Variants in MACROD2 observed in about 807,000 individuals in gnomAD.
MACROD2 encodes the protein ADP-ribose glycohydrolase MACROD2.
MACROD2 carries 36 observed loss-of-function variants against 70.4 expected under a neutral mutation model. That is an observed-to-expected ratio of 0.51 (90% CI 0.39 to 0.68). MACROD2 has a LOEUF of 0.68. MACROD2 is among the 30% of genes least tolerant of loss of function. The pLI is 0.00. For missense variants in MACROD2, 496 were observed against 538.4 expected (o/e 0.92, Z 0.78); for synonymous variants, 172 against 178.8 (o/e 0.96, Z 0.30).
chr20:14,540,239 G>A lies in MACROD2; in HGVS notation c.301+46731G>A, dbSNP rs1404587430. Among the ~76,000 whole-genome samples, 10 of 152,218 alleles carry A rather than the reference G, an allele frequency of 6.6e-5. No individual in the cohort carries two copies. The East Asian group carries it at 1.9e-3, about 29-fold the overall frequency. On this transcript the variant is annotated intron_variant, in intron 4 of 17. Coordinates refer to ENST00000684519, the MANE Select transcript of MACROD2 (RefSeq NM_001351661.2). Reference sequence around the variant, plus strand: ...TTCAGGATGTTTCCAAGTTTATCATGTCTGTGACCTCAGTTACGTTTACTT... The same window carrying A: ...TTCAGGATGTTTCCAAGTTTATCATATCTGTGACCTCAGTTACGTTTACTT...
intron 5 of MACROD2, among the ~76,000 whole-genome samples, chr20:14,996,192 A>G (rs2074947795): frequency 6.6e-6 from 1 of 152,204 alleles, no homozygotes. Context: ...AACATCTATT[A>G]TAAGTAGGGG....
At chr20:15,476,017 A>G (rs1303042872) in intron 7 of MACROD2, among the ~76,000 whole-genome samples, 3 of 152,230 alleles carry the variant, frequency 2.0e-5, no homozygotes, top group East Asian at 3.9e-4. Context: ...GGCCACCCCT[A>G]TTCTTCCATT....
At chr20:15,835,461 T>A (rs2064103812) in intron 8 of MACROD2, among the ~76,000 whole-genome samples, 1 of 152,116 alleles carries the variant, frequency 6.6e-6, no homozygotes, top group South Asian at 2.1e-4. Context: ...TATTAATGTA[T>A]TAGCACCATT....
intron 5 of MACROD2, among the ~76,000 whole-genome samples, chr20:14,736,236 C>G (rs1282628574): frequency 1.3e-5 from 2 of 152,004 alleles, no homozygotes; most frequent in African/African-American, 4.8e-5. Flanking sequence ...ACACAGAGGC[C>G]ACAAATTGTG....
chr20:14,943,005 G>T (rs1164328783), intron 5 of MACROD2, among the ~76,000 whole-genome samples: 1 of 152,146 alleles, frequency 6.6e-6, no homozygotes, highest in Non-Finnish European at 1.5e-5. Flanking sequence ...AAGGCTGGCA[G>T]CTTGTATTCA....
intron 5 of MACROD2, among the ~76,000 whole-genome samples, chr20:14,762,965 T>C (rs1206962285): frequency 6.6e-6 from 1 of 151,336 alleles, no homozygotes; most frequent in Non-Finnish European, 1.5e-5. Flanking sequence ...AAAACATAAA[T>C]GACAGACAGG....
At chr20:14,961,197 T>C (rs1252024005) in intron 5 of MACROD2, among the ~76,000 whole-genome samples, 1 of 152,198 alleles carries the variant, frequency 6.6e-6, no homozygotes, top group Non-Finnish European at 1.5e-5. Flanking sequence ...ATTTTGCTGA[T>C]TTTAGATAAA....
chr20:14,561,823 T>G (rs1199491166), intron 4 of MACROD2, among the ~76,000 whole-genome samples: 4 of 151,830 alleles, frequency 2.6e-5, no homozygotes, highest in Non-Finnish European at 4.4e-5. Context: ...TATTACAGCT[T>G]AAACTGTACT....
At chr20:15,460,247 C>T (rs2146411906) in intron 7 of MACROD2, among the ~76,000 whole-genome samples, 1 of 152,206 alleles carries the variant, frequency 6.6e-6, no homozygotes, top group Middle Eastern at 3.4e-3. Flanking sequence ...GTAACACATC[C>T]CTTTTCAGTG....
At chr20:15,977,278 C>T (rs2066321072) in intron 13 of MACROD2, among the ~76,000 whole-genome samples, 1 of 152,212 alleles carries the variant, frequency 6.6e-6, no homozygotes, top group African/African-American at 2.4e-5. Context: ...CTCTCAGTAT[C>T]ATCCACCCAA....
chr20:15,066,175 A>C (rs1412294248), intron 5 of MACROD2, among the ~76,000 whole-genome samples: 4 of 150,856 alleles, frequency 2.7e-5, no homozygotes, highest in African/African-American at 9.7e-5. Context: ...TCTGTCACCC[A>C]GGCTGGAGTA....
intron 4 of MACROD2, among the ~76,000 whole-genome samples, chr20:14,544,231 CTT>C (rs11318084): frequency 2.1e-4 from 30 of 143,824 alleles, no homozygotes; most frequent in East Asian, 1.6e-3. Flanking sequence ...ATGATTCCTT[CTT>C]TTTTTTTTTT....
intron 3 of MACROD2, among the ~76,000 whole-genome samples, chr20:14,412,055 T>C (rs1029353105): frequency 6.6e-6 from 1 of 152,188 alleles, no homozygotes; most frequent in African/African-American, 2.4e-5. Flanking sequence ...CAAAACAAAA[T>C]AGCAGTTTTC....
chr20:15,486,864 A>G (rs2047169595), intron 7 of MACROD2, among the ~76,000 whole-genome samples: 1 of 152,202 alleles, frequency 6.6e-6, no homozygotes, highest in Admixed American at 6.5e-5. Context: ...TCCGCATTAC[A>G]AACAACCTCT....
chr20:14,408,010 T>C (rs1484300090), intron 3 of MACROD2, among the ~76,000 whole-genome samples: 1 of 152,130 alleles, frequency 6.6e-6, no homozygotes, highest in African/African-American at 2.4e-5. Context: ...ACTGTATGGG[T>C]TCAAATGCCA....
intron 3 of MACROD2, among the ~76,000 whole-genome samples, chr20:14,131,384 A>G (rs1275419421): frequency 6.6e-6 from 1 of 152,232 alleles, no homozygotes; most frequent in African/African-American, 2.4e-5. Context: ...AGAACCATCT[A>G]CATTTATCCA....
chr20:15,378,969 G>C (rs61429158), intron 6 of MACROD2, among the ~76,000 whole-genome samples: 1 of 152,104 alleles, frequency 6.6e-6, no homozygotes, highest in Non-Finnish European at 1.5e-5. Context: ...TTCTAAATTG[G>C]TCTTCATAAA....
intron 8 of MACROD2, among the ~76,000 whole-genome samples, chr20:15,610,200 C>T (rs2048947821): frequency 6.6e-6 from 1 of 152,220 alleles, no homozygotes; most frequent in Admixed American, 6.5e-5. Flanking sequence ...CCATCTACTT[C>T]TCCCACAACC....
At chr20:15,885,941 A>C in intron 10 of MACROD2, 130 bp downstream of exon 10, 1 of 1,066,358 alleles carries the variant, frequency 9.4e-7, no homozygotes, top group Non-Finnish European at 1.3e-6. Context: ...AGTGTTATAA[A>C]ATTAAAAAGT....
Sources: allele counts gnomAD v4.1 joint callset (sites outside exome capture counted in the v4.1 genomes callset), GRCh38; gene constraint gnomAD v4.1.1; transcripts MANE v1.5; gene names NCBI Gene and HGNC (gene_info 2026-07-23, HGNC 2026-07-21).